The following LIMA1 variants were observed in gnomAD, a reference collection of about 807,000 sequenced individuals.
The protein encoded by LIMA1 is LIM domain and actin binding 1.
Under a neutral mutation model 62.6 loss-of-function variants are expected in LIMA1, and 52 were observed. The ratio of observed to expected loss-of-function variants is 0.83; its 90% CI spans 0.67 to 1.05. The LOEUF is 1.05. LIMA1 is among the 50% of genes least tolerant of loss of function. LIMA1 has a pLI of 0.00. For missense variants in LIMA1, 780 were observed against 902.2 expected (o/e 0.86, Z 1.74); for synonymous variants, 302 against 317.8 (o/e 0.95, Z 0.53).
chr12:50,277,796 A>G (rs2138713673), intron 1 of LIMA1, among the ~76,000 whole-genome samples: 1 of 152,308 alleles, frequency 6.6e-6, no homozygotes, highest in East Asian at 1.9e-4. Flanking sequence ...AAACGCTCCA[A>G]ATAAAAGAAT....
At chr12:50,200,625 T>C in intron 7 of LIMA1, 152 bp downstream of exon 7, 1 of 813,686 alleles carries the variant, frequency 1.2e-6, no homozygotes, top group Non-Finnish European at 2.1e-6. Flanking sequence ...CAACTGAAAT[T>C]ATGTGACCTG....
intron 1 of LIMA1, among the ~76,000 whole-genome samples, chr12:50,258,323 A>T (rs1203010420): frequency 6.6e-6 from 1 of 150,442 alleles, no homozygotes; most frequent in Non-Finnish European, 1.5e-5. Context: ...TGTGTGTGTG[A>T]CAGAATCCAC....
intron 6 of LIMA1, chr12:50,202,189 C>T (rs1275405832): frequency 6.6e-6 from 1 of 152,270 alleles, no homozygotes; most frequent in Non-Finnish European, 1.5e-5. Context: ...CAACTCATTC[C>T]TGACCCCATC....
intron 4 of LIMA1, chr12:50,217,759 C>T (rs959049836): frequency 1.5e-4 from 49 of 337,524 alleles, no homozygotes; most frequent in Admixed American, 1.1e-3. Flanking sequence ...TCCTGACTAC[C>T]GTGCTGTGAA....
chr12:50,229,297 C>T (rs532918220), intron 3 of LIMA1, among the ~76,000 whole-genome samples: 17 of 152,230 alleles, frequency 1.1e-4, no homozygotes, highest in Non-Finnish European at 1.9e-4. Context: ...CCTCCCACCT[C>T]GGCCTCCTGC....
At chr12:50,204,498 A>C (rs2079229829) in intron 6 of LIMA1, 54 bp downstream of exon 6, 1 of 1,567,908 alleles carries the variant, frequency 6.4e-7, no homozygotes, top group Non-Finnish European at 8.7e-7. Context: ...GTACTCAGTG[A>C]CCATCTGCTG....
At chr12:50,191,974 A>G (rs1215332131) in intron 9 of LIMA1, among the ~76,000 whole-genome samples, 1 of 150,746 alleles carries the variant, frequency 6.6e-6, no homozygotes, top group Non-Finnish European at 1.5e-5. Context: ...TCTACCAAAA[A>G]ATACAAAAAA....
intron 4 of LIMA1, among the ~76,000 whole-genome samples, chr12:50,215,600 G>A (rs1941330352): frequency 6.6e-6 from 1 of 152,028 alleles, no homozygotes; most frequent in Non-Finnish European, 1.5e-5. Context: ...CTTCCGAGTA[G>A]CTGGGACTAC....
intron 3 of LIMA1, chr12:50,222,694 C>G: frequency 6.8e-7 from 1 of 1,480,058 alleles, no homozygotes; most frequent in South Asian, 1.3e-5. Flanking sequence ...AACTCAGGAG[C>G]TGAAGCAGGA....
intron 1 of LIMA1, among the ~76,000 whole-genome samples, 164 bp from the exon 2 acceptor site, chr12:50,248,938 T>C (rs554852091): frequency 6.6e-6 from 1 of 152,344 alleles, no homozygotes; most frequent in East Asian, 1.9e-4. Flanking sequence ...CTTTGGGTTG[T>C]GGTTTCTTAT....
intron 4 of LIMA1, among the ~76,000 whole-genome samples, chr12:50,209,503 G>C (rs1164093834): frequency 6.7e-6 from 1 of 149,492 alleles, no homozygotes; most frequent in East Asian, 2.0e-4. Context: ...CAGAGATGGA[G>C]GTTGCAGTGA....
chr12:50,233,114 T>C (rs1228248301), intron 2 of LIMA1, among the ~76,000 whole-genome samples: 2 of 152,228 alleles, frequency 1.3e-5, no homozygotes, highest in South Asian at 2.1e-4. Flanking sequence ...TCTGCTCTGA[T>C]ATAACAACAA....
chr12:50,218,748 A>G (rs1941391851), intron 4 of LIMA1, among the ~76,000 whole-genome samples: 1 of 152,220 alleles, frequency 6.6e-6, no homozygotes, highest in South Asian at 2.1e-4. Flanking sequence ...TCCATAAAAA[A>G]TTTTAAAAAT....
At chr12:50,194,264 C>T (rs995028993) in intron 8 of LIMA1, among the ~76,000 whole-genome samples, 1 of 151,394 alleles carries the variant, frequency 6.6e-6, no homozygotes, top group Non-Finnish European at 1.5e-5. Flanking sequence ...GCTGGGATTA[C>T]AGGCGTGAGC....
intron 1 of LIMA1, among the ~76,000 whole-genome samples, chr12:50,254,430 T>A (rs1489245180): frequency 6.6e-6 from 1 of 152,204 alleles, no homozygotes; most frequent in Non-Finnish European, 1.5e-5. Flanking sequence ...GAAACTGAGA[T>A]GCATAAAGCT....
chr12:50,224,832 A>C (rs1370891922), intron 3 of LIMA1, among the ~76,000 whole-genome samples: 1 of 151,796 alleles, frequency 6.6e-6, no homozygotes, highest in Non-Finnish European at 1.5e-5. Flanking sequence ...CCTGGGCTCA[A>C]GTGATCCTCC....
chr12:50,265,535 T>G (rs770087852), intron 1 of LIMA1, among the ~76,000 whole-genome samples: 5 of 151,520 alleles, frequency 3.3e-5, no homozygotes, highest in Non-Finnish European at 5.9e-5. Context: ...AAAAAAAAAA[T>G]TGCTCATCAC....
chr12:50,228,303 G>A (rs1213644816), intron 3 of LIMA1, among the ~76,000 whole-genome samples: 2 of 152,000 alleles, frequency 1.3e-5, no homozygotes, highest in Non-Finnish European at 2.9e-5. Flanking sequence ...GTCTATACTC[G>A]TGGGGTCAAC....
chr12:50,273,539 A>G (rs953360595), intron 1 of LIMA1, among the ~76,000 whole-genome samples: 5 of 152,210 alleles, frequency 3.3e-5, no homozygotes, highest in Non-Finnish European at 1.5e-5. Context: ...ATTTTAAATA[A>G]AACTTCAAGC....
Sources: gnomAD v4.1 joint callset for allele counts (sites outside exome capture counted in the v4.1 genomes callset) on GRCh38, gnomAD v4.1.1 for gene constraint, MANE v1.5 for transcripts, NCBI Gene and HGNC (gene_info 2026-07-23, HGNC 2026-07-21) for gene names.